The following CACNA1D variants were observed in gnomAD, a reference collection of about 807,000 sequenced individuals.
CACNA1D encodes the protein voltage-dependent L-type calcium channel subunit alpha-1D.
Under a neutral mutation model 257.1 loss-of-function variants are expected in CACNA1D, and 55 were observed. The observed-to-expected ratio is 0.21, with a 90% confidence interval of 0.17 to 0.27. CACNA1D has a LOEUF of 0.27. CACNA1D is among the 10% of genes least tolerant of loss of function. CACNA1D has a pLI of 1.00. For synonymous variants in CACNA1D, 980 were observed against 1,014.9 expected (o/e 0.97, Z 0.65); for missense variants, 1,876 against 2,784.0 (o/e 0.67, Z 7.34).
At chr3:53,577,329 G>T (rs1385496079) in intron 3 of CACNA1D, among the ~76,000 whole-genome samples, 1 of 152,134 alleles carries the variant, frequency 6.6e-6, no homozygotes, top group African/African-American at 2.4e-5. Flanking sequence ...GGGGGTGCTG[G>T]GGAGGAGCTG....
chr3:53,653,059 T>C (rs533318135), intron 4 of CACNA1D, among the ~76,000 whole-genome samples: 8 of 152,298 alleles, frequency 5.3e-5, no homozygotes, highest in African/African-American at 1.7e-4. Flanking sequence ...AAGACCAGCA[T>C]GGCCAACATG....
At chr3:53,626,516 T>C (rs1171007855) in intron 3 of CACNA1D, among the ~76,000 whole-genome samples, 1 of 151,522 alleles carries the variant, frequency 6.6e-6, no homozygotes, top group East Asian at 1.9e-4. Flanking sequence ...GGAAAATCCC[T>C]GGAGGAGGGA....
chr3:53,804,349 G>A (rs1180333360), intron 44 of CACNA1D, among the ~76,000 whole-genome samples: 2 of 152,132 alleles, frequency 1.3e-5, no homozygotes, highest in South Asian at 2.1e-4. Context: ...AGATGAACTC[G>A]TGTTCCCTTC....
chr3:53,777,027 A>T lies in CACNA1D; in HGVS notation c.4587+71A>T. 9 of 1,147,792 alleles carry T rather than the reference A, an allele frequency of 7.8e-6. No homozygotes were observed. The South Asian group carries it at 8.7e-5, about 11-fold the overall frequency. The allele number at this position is 1,147,792 out of a possible 1,614,324, so 71.1% of individuals were successfully genotyped here. On this transcript the variant is annotated intron_variant, in intron 37 of 47. Coordinates refer to ENST00000350061, the MANE Select transcript of CACNA1D (RefSeq NM_001128840.3). The stretch of plus-strand genomic sequence containing the variant: ...TGCTTCATTTAACAAACACTTGTTA[A>T]GTGACACAGCCAGGCCTTCTGTCAG...
chr3:53,538,048 G>A (rs2092165519), intron 3 of CACNA1D, among the ~76,000 whole-genome samples: 1 of 135,382 alleles, frequency 7.4e-6, no homozygotes, highest in East Asian at 2.2e-4. Flanking sequence ...TTCCTTATGG[G>A]TTGTAAAATG....
At chr3:53,607,008 C>T (rs1417534320) in intron 3 of CACNA1D, among the ~76,000 whole-genome samples, 2 of 152,154 alleles carry the variant, frequency 1.3e-5, no homozygotes, top group Admixed American at 6.5e-5. Context: ...TATGGATATA[C>T]CACAATTTGT....
chr3:53,692,177 C>G (rs1216715241), intron 8 of CACNA1D, among the ~76,000 whole-genome samples: 2 of 151,446 alleles, frequency 1.3e-5, no homozygotes, highest in Non-Finnish European at 2.9e-5. Context: ...AACCAGTATA[C>G]AAAGATAAGA....
At chr3:53,524,947 G>A (rs2091707201) in intron 3 of CACNA1D, among the ~76,000 whole-genome samples, 1 of 152,160 alleles carries the variant, frequency 6.6e-6, no homozygotes, top group Non-Finnish European at 1.5e-5. Context: ...TGGAGGTTCT[G>A]CGTGGCCTGG....
intron 3 of CACNA1D, among the ~76,000 whole-genome samples, chr3:53,547,473 C>A (rs927135403): frequency 3.9e-5 from 6 of 152,198 alleles, no homozygotes; most frequent in South Asian, 2.1e-4. Flanking sequence ...GAGACTTGGT[C>A]CCCTCATCTT....
chr3:53,754,137 T>C (rs920525269), intron 29 of CACNA1D, among the ~76,000 whole-genome samples: 3 of 152,234 alleles, frequency 2.0e-5, no homozygotes, highest in African/African-American at 7.2e-5. Flanking sequence ...CTTTTTACCC[T>C]TTAAGGGAAG....
chr3:53,793,488 T>C lies in CACNA1D; in HGVS notation c.4923+6536T>C, dbSNP rs2095494154. On this transcript the variant is annotated intron_variant, in intron 40 of 47. Transcript: ENST00000350061. The surrounding 1 kb of genome is among the most constrained non-coding windows in gnomAD (Gnocchi z 4.1). ...CCGACCTTCTAGATCCAAGATTCCATACACTCAGGCCTCGGCAGAAAGGCC... is the reference window on the plus strand; with the variant it reads ...CCGACCTTCTAGATCCAAGATTCCACACACTCAGGCCTCGGCAGAAAGGCC... Among the ~76,000 whole-genome samples, 1 of 152,166 alleles carries C rather than the reference T, an allele frequency of 6.6e-6. No homozygotes were observed. Among genetic ancestry groups the C allele is most frequent in the Non-Finnish European group, 1.5e-5 (1 of 68,022 alleles).
At chr3:53,773,271 G>A in intron 33 of CACNA1D, 5 of 318,020 alleles carry the variant, frequency 1.6e-5, no homozygotes, top group South Asian at 6.9e-5. Context: ...GGAACAGAAG[G>A]CTGGTGCTGA....
chr3:53,739,544 T>C (rs1218782493), intron 20 of CACNA1D, among the ~76,000 whole-genome samples: 1 of 152,106 alleles, frequency 6.6e-6, no homozygotes, highest in East Asian at 1.9e-4. Flanking sequence ...TTGTCACCAA[T>C]GAGGATAGAG....
rs876657433 is a variant in CACNA1D, at chr3:53,501,687, T to C, written c.450T>C (p.Pro150=). 3 of 1,597,258 alleles carry C rather than the reference T, an allele frequency of 1.9e-6. No homozygotes were observed. The highest frequency in any genetic ancestry group is 2.6e-6 in the Non-Finnish European group (3 of 1,165,072). The change falls in exon 3 of 48, where the codon CCT becomes CCC. Residue 150 remains proline (P), a synonymous_variant. Coordinates refer to ENST00000350061, the MANE Select transcript of CACNA1D (RefSeq NM_001128840.3). The part of the protein sequence containing the change: ...CVALAIYIPF[P]EDDSNSTNHN... ...CCTTAGCTATTTACATCCCATTCCC[T>C]GAAGATGATTCTAATTCAACAAATC...
At chr3:53,728,073 C>T (rs1452102217) in intron 15 of CACNA1D, among the ~76,000 whole-genome samples, 1 of 152,134 alleles carries the variant, frequency 6.6e-6, no homozygotes, top group Non-Finnish European at 1.5e-5. Flanking sequence ...TGAGCTCCCC[C>T]TCAGATTTTA....
chr3:53,574,704 C>T (rs1234925873), intron 3 of CACNA1D, among the ~76,000 whole-genome samples: 1 of 151,634 alleles, frequency 6.6e-6, no homozygotes, highest in Non-Finnish European at 1.5e-5. Flanking sequence ...CATTCTCATG[C>T]TCACTGTCAC....
chr3:53,762,691 A>G (rs2095310434), intron 30 of CACNA1D: 1 of 452,660 alleles, frequency 2.2e-6, no homozygotes, highest in African/African-American at 2.0e-5. Context: ...TCTGACATAG[A>G]AGAGACTAGA....
chr3:53,700,598 T>C (rs2094614236), intron 8 of CACNA1D, among the ~76,000 whole-genome samples: 1 of 152,172 alleles, frequency 6.6e-6, no homozygotes, highest in Non-Finnish European at 1.5e-5. Context: ...GTGGTACATG[T>C]GAATGGCGAG....
At chr3:53,573,067 ACTT>A (rs1390018880) in intron 3 of CACNA1D, among the ~76,000 whole-genome samples, 2 of 152,070 alleles carry the variant, frequency 1.3e-5, no homozygotes, top group Non-Finnish European at 2.9e-5. Context: ...CCACCTGAAA[ACTT>A]CTTTTTATCC....
Sources: gnomAD v4.1 joint callset for allele counts (sites outside exome capture counted in the v4.1 genomes callset) on GRCh38, gnomAD v4.1.1 for gene constraint, Gnocchi (gnomAD v3.1) non-coding constraint, MANE v1.5 for transcripts, NCBI Gene and HGNC (gene_info 2026-07-23, HGNC 2026-07-21) for gene names.